Variants in SGCZ observed in about 807,000 individuals in gnomAD.
SGCZ encodes the protein sarcoglycan zeta, also known as zeta-sarcoglycan.
A neutral mutation model predicts 41.3 loss-of-function variants in SGCZ; 40 were observed. That is an observed-to-expected ratio of 0.97 (90% CI 0.75 to 1.26). The LOEUF is 1.26. Among genes scored for constraint, SGCZ ranks in the 50% most tolerant of loss-of-function variants. The probability of loss-of-function intolerance (pLI) is 0.00; values close to 1 mark genes in which losing one functional copy is unlikely to be tolerated. For synonymous variants in SGCZ, 206 were observed against 137.5 expected, an observed-to-expected ratio of 1.50 and a Z score of -3.49; for missense variants, 552 against 369.8, an observed-to-expected ratio of 1.49 and a Z score of -4.04.
chr8:14,652,729 G>C (rs1807445260), intron 1 of SGCZ, among the ~76,000 whole-genome samples: 1 of 152,046 alleles, frequency 6.6e-6, no homozygotes, highest in African/African-American at 2.4e-5. Flanking sequence ...GTTAAGATTT[G>C]TATATTTATT....
intron 1 of SGCZ, among the ~76,000 whole-genome samples, chr8:14,846,946 C>G (rs1464468616): frequency 6.6e-6 from 1 of 151,962 alleles, no homozygotes; most frequent in Non-Finnish European, 1.5e-5. Context: ...GTGGCACATG[C>G]CTGTAATCCC....
intron 1 of SGCZ, among the ~76,000 whole-genome samples, chr8:14,785,765 T>C (rs1800749355): frequency 6.6e-6 from 1 of 152,198 alleles, no homozygotes; most frequent in African/African-American, 2.4e-5. Flanking sequence ...CTTTAACTTG[T>C]TACTCTTTTT....
intron 1 of SGCZ, among the ~76,000 whole-genome samples, chr8:14,876,738 TA>T (rs959134585): frequency 9.9e-5 from 15 of 152,218 alleles, no homozygotes; most frequent in Admixed American, 8.5e-4. Context: ...GAAACAGAAT[TA>T]AGAGAGAGGC....
intron 1 of SGCZ, among the ~76,000 whole-genome samples, chr8:15,088,907 G>A (rs1806048809): frequency 6.6e-6 from 1 of 152,180 alleles, no homozygotes; most frequent in African/African-American, 2.4e-5. Flanking sequence ...ATAGGTAAGA[G>A]CCAGTATTTT....
At chr8:14,679,633 T>A (rs1808380981) in intron 1 of SGCZ, among the ~76,000 whole-genome samples, 1 of 151,938 alleles carries the variant, frequency 6.6e-6, no homozygotes, top group Non-Finnish European at 1.5e-5. Flanking sequence ...TATAAAGATT[T>A]ATAAATAAAA....
At chr8:14,385,050 T>C (rs1804521230) in intron 2 of SGCZ, among the ~76,000 whole-genome samples, 2 of 152,164 alleles carry the variant, frequency 1.3e-5, no homozygotes, top group Admixed American at 6.5e-5. Context: ...GAAGAAGCTA[T>C]GTAGAGTTGA....
intron 1 of SGCZ, among the ~76,000 whole-genome samples, chr8:14,666,833 G>T (rs560655299): frequency 6.6e-6 from 1 of 152,092 alleles, no homozygotes; most frequent in African/African-American, 2.4e-5. Flanking sequence ...GGGGGAGTGA[G>T]GTAGTAACTC....
chr8:14,826,951 T>A (rs553820639), intron 1 of SGCZ, among the ~76,000 whole-genome samples: 2 of 152,264 alleles, frequency 1.3e-5, no homozygotes, highest in Admixed American at 6.5e-5. Context: ...AGATCCCATT[T>A]GTCAATTTTG....
chr8:14,874,723 T>C (rs1694860136), intron 1 of SGCZ, among the ~76,000 whole-genome samples: 1 of 152,076 alleles, frequency 6.6e-6, no homozygotes, highest in Non-Finnish European at 1.5e-5. Flanking sequence ...GCCTGAGTAT[T>C]CCTCTCTAAA....
chr8:14,792,811 C>T (rs1243303361), intron 1 of SGCZ, among the ~76,000 whole-genome samples: 1 of 152,042 alleles, frequency 6.6e-6, no homozygotes, highest in Non-Finnish European at 1.5e-5. Flanking sequence ...TGCTTCTCAT[C>T]CTCTTCTTTG....
At chr8:14,608,692 C>A (rs1164836628) in intron 1 of SGCZ, among the ~76,000 whole-genome samples, 1 of 151,208 alleles carries the variant, frequency 6.6e-6, no homozygotes, top group African/African-American at 2.4e-5. Flanking sequence ...GGGTGGATTC[C>A]TCATAAATGG....
chr8:14,907,859 A>G (rs571496088), intron 1 of SGCZ, among the ~76,000 whole-genome samples: 69 of 152,232 alleles, frequency 4.5e-4, no homozygotes, highest in African/African-American at 1.6e-3. Context: ...GTACATCCAA[A>G]ATAATATTTA....
chr8:15,046,385 T>G (rs1804301758), intron 1 of SGCZ, among the ~76,000 whole-genome samples: 2 of 152,062 alleles, frequency 1.3e-5, no homozygotes, highest in African/African-American at 4.8e-5. Flanking sequence ...ATTTATTTAT[T>G]TATTCACTTA....
At chr8:14,110,494 G>A (rs191012671) in intron 5 of SGCZ, among the ~76,000 whole-genome samples, 39 of 152,194 alleles carry the variant, frequency 2.6e-4, no homozygotes, top group African/African-American at 9.4e-4. Flanking sequence ...AATTCTGAGT[G>A]CCAATATAAA....
At chr8:14,265,661 A>G (rs1799843341) in intron 3 of SGCZ, among the ~76,000 whole-genome samples, 1 of 151,982 alleles carries the variant, frequency 6.6e-6, no homozygotes. Context: ...TGCAAACTGC[A>G]CCCTTTGTTT....
At chr8:14,384,724 T>G (rs545968463) in intron 2 of SGCZ, among the ~76,000 whole-genome samples, 1 of 152,134 alleles carries the variant, frequency 6.6e-6, no homozygotes, top group Non-Finnish European at 1.5e-5. Flanking sequence ...CATACCCGGC[T>G]AATTTTTGTA....
At position 14,403,940 on chromosome 8, in the gene SGCZ, A is replaced by G. The variant is rs936726699; in HGVS notation, c.235-79736T>C. Among the ~76,000 whole-genome samples, 3 of 152,182 alleles carry G rather than the reference A, an allele frequency of 2.0e-5. No individual in the cohort carries two copies. In the East Asian group the frequency reaches 5.8e-4, roughly 29 times the overall value. On this transcript the variant is annotated intron_variant, in intron 2 of 7. Transcript: ENST00000382080. ...CAACTGGGAGAAATATTTTTATGGT[A>G]ATTTGAAGGAAGAGAAATGAGTATT...
chr8:14,512,413 T>C lies in SGCZ; in HGVS notation c.234+42319A>G, dbSNP rs566030545. Among the ~76,000 whole-genome samples, 3 of 152,246 alleles carry C rather than the reference T, an allele frequency of 2.0e-5. No homozygotes were observed. The South Asian group carries it at 6.2e-4, about 32-fold the overall frequency. On this transcript the variant is annotated intron_variant, in intron 2 of 7. Transcript: ENST00000382080. ...CATTGGTATTTTTCCTCTTCATCCATAGCTCCTTGTGTATTAATGTAGATT... is the reference window on the plus strand; with the variant it reads ...CATTGGTATTTTTCCTCTTCATCCACAGCTCCTTGTGTATTAATGTAGATT...
At chr8:14,252,409 T>C (rs1585282310) in intron 3 of SGCZ, among the ~76,000 whole-genome samples, 1 of 152,180 alleles carries the variant, frequency 6.6e-6, no homozygotes, top group Admixed American at 6.5e-5. Flanking sequence ...ATATGATGTA[T>C]ATATAATTTT....
Sources: allele counts gnomAD v4.1 joint callset (sites outside exome capture counted in the v4.1 genomes callset), GRCh38; gene constraint gnomAD v4.1.1; transcripts MANE v1.5; gene names NCBI Gene and HGNC (gene_info 2026-07-23, HGNC 2026-07-21).